The following SOX5 variants were observed in gnomAD, a reference collection of about 807,000 sequenced individuals.
The protein encoded by SOX5 is SRY-box transcription factor 5.
Under a neutral mutation model 92.0 loss-of-function variants are expected in SOX5, and 9 were observed. The ratio of observed to expected loss-of-function variants is 0.10; its 90% confidence interval spans 0.06 to 0.17. The LOEUF is 0.17. Among genes scored for constraint, SOX5 ranks in the 10% least tolerant of loss-of-function variants. The pLI, the probability that SOX5 is intolerant of heterozygous loss-of-function variation, is 1.00. For missense variants in SOX5, 642 were observed against 944.5 expected (o/e 0.68, Z 4.20); for synonymous variants, 344 against 336.3 (o/e 1.02, Z -0.25).
intron 1 of SOX5, among the ~76,000 whole-genome samples, chr12:23,949,334 G>C (rs1432850349): frequency 6.6e-6 from 1 of 152,122 alleles, no homozygotes; most frequent in African/African-American, 2.4e-5. Flanking sequence ...TTAATTTGCT[G>C]TTATAGGACG....
At chr12:24,314,482 T>G (rs1418200646) in intron 2 of SOX5, among the ~76,000 whole-genome samples, 1 of 151,942 alleles carries the variant, frequency 6.6e-6, no homozygotes, top group Non-Finnish European at 1.5e-5. Context: ...AACCTGCACG[T>G]TATGCACATG....
Position 23,604,634 on chromosome 12 carries a change from T to C in SOX5, c.1018-101A>G, listed in dbSNP as rs187199300. The C allele has an allele frequency of 2.1e-4, 245 of 1,183,480 alleles. 1 individual carries two copies. In the East Asian group the frequency reaches 5.4e-3, roughly 26 times the overall value. The allele number at this position is 1,183,480 out of a possible 1,614,324, so 73.3% of individuals were successfully genotyped here. A position where few individuals can be genotyped will look rare whatever the true frequency, so the allele number is the denominator to read the frequency against. On this transcript the variant is annotated intron_variant, in intron 8 of 14. Transcript: ENST00000451604. The stretch of plus-strand genomic sequence containing the variant: ...ATATTCAGATATGGTATTTTTCCTA[T>C]GAGCATTTTGTTTAGTGCACTGGAA...
intron 3 of SOX5, among the ~76,000 whole-genome samples, chr12:23,794,241 C>T (rs4353351): frequency 0.98 from 149,247 of 152,214 alleles, 73,249 homozygotes; most frequent in East Asian, 1. Context: ...AGTATTTATA[C>T]GCATATTTAC....
At chr12:24,004,913 T>C (rs1369737083) in intron 4 of SOX5, among the ~76,000 whole-genome samples, 1 of 152,088 alleles carries the variant, frequency 6.6e-6, no homozygotes, top group Non-Finnish European at 1.5e-5. Flanking sequence ...TATCCATTAA[T>C]AAAATATTAT....
At chr12:23,566,482 T>G (rs1374061626) in intron 10 of SOX5, among the ~76,000 whole-genome samples, 2 of 152,198 alleles carry the variant, frequency 1.3e-5, no homozygotes, top group African/African-American at 2.4e-5. Context: ...GCATTGTTCC[T>G]TTTTCCTCAC....
At position 23,543,368 on chromosome 12, in the gene SOX5, T is replaced by C. The variant is rs756011744; in HGVS notation, c.1614A>G (p.Ser538=). 1 of 1,613,750 alleles carries C rather than the reference T, an allele frequency of 6.2e-7. No homozygotes were observed. Among genetic ancestry groups the C allele is most frequent in the East Asian group, 2.2e-5 (1 of 44,864 alleles). ...GGGATTCCCTATAAATTCTTGACTCTGAGACTCCAGCACTTCCTGAAAACA... is the reference window on the plus strand; with the variant it reads ...GGGATTCCCTATAAATTCTTGACTCCGAGACTCCAGCACTTCCTGAAAACA... ...SGDSDGSAGV[S]ESRIYRESRG... Residue 538 remains serine (S), a synonymous_variant, in exon 13 of 15, where the codon TCA becomes TCG. Coordinates refer to ENST00000451604, the MANE Select transcript of SOX5 (RefSeq NM_006940.6).
intron 10 of SOX5, 36 bp downstream of exon 10, chr12:23,575,625 C>A (rs756199587): frequency 6.2e-7 from 1 of 1,604,920 alleles, no homozygotes; most frequent in South Asian, 1.1e-5. Context: ...TAGCCATAAA[C>A]AGAAAATCAG....
intron 2 of SOX5, among the ~76,000 whole-genome samples, chr12:23,868,996 A>T (rs774984229): frequency 2.0e-5 from 3 of 152,102 alleles, no homozygotes; most frequent in Non-Finnish European, 2.9e-5. Flanking sequence ...TCACATTAAA[A>T]CATAATCTTT....
chr12:23,915,811 C>T (rs1367734757), intron 1 of SOX5, among the ~76,000 whole-genome samples: 2 of 152,162 alleles, frequency 1.3e-5, no homozygotes, highest in Non-Finnish European at 2.9e-5. Context: ...AAGTTTCATT[C>T]GAAACTGCTA....
rs150236061 is a variant in SOX5, at chr12:23,628,398, G to T, written c.1017+12414C>A. On this transcript the variant is annotated intron_variant, in intron 8 of 14. Coordinates refer to ENST00000451604, the MANE Select transcript of SOX5 (RefSeq NM_006940.6). ...AAAGGACAATATTTTCTATAGTTCT[G>T]CTTCACTCCATAAAGGAAGTAATTG... Among the ~76,000 whole-genome samples the T allele has an allele frequency of 3.0e-3, 449 of 152,150 alleles. 4 individuals carry two copies. The highest frequency in any genetic ancestry group is 9.9e-3 in the African/African-American group (413 of 41,522).
At chr12:24,338,060 TTCTC>T (rs1952108373) in intron 2 of SOX5, among the ~76,000 whole-genome samples, 1 of 152,214 alleles carries the variant, frequency 6.6e-6, no homozygotes, top group African/African-American at 2.4e-5. Flanking sequence ...GATCTTCCCT[TTCTC>T]TGGTTTTTGA....
chr12:23,999,836 G>A (rs989177187), intron 4 of SOX5, among the ~76,000 whole-genome samples: 2 of 151,840 alleles, frequency 1.3e-5, no homozygotes, highest in African/African-American at 2.4e-5. Flanking sequence ...AATAATGAGA[G>A]AGTACTGTTA....
Position 23,741,286 on chromosome 12 carries a change from C to T in SOX5, c.569-247G>A, listed in dbSNP as rs1410873377. On this transcript the variant is annotated intron_variant, in intron 4 of 14. Transcript: ENST00000451604. ...GTACATTGGACTTCAAATGAAATTC[C>T]ATAATGACCAAACATTTTGAATGTT... 2.6e-5 allele frequency among the ~76,000 whole-genome samples: 4 copies of T among 152,084 alleles called. No homozygotes were observed. In the South Asian group the frequency reaches 6.2e-4, roughly 24 times the overall value.
At chr12:23,690,219 T>C (rs1163316162) in intron 6 of SOX5, among the ~76,000 whole-genome samples, 4 of 152,184 alleles carry the variant, frequency 2.6e-5, no homozygotes, top group African/African-American at 4.8e-5. Flanking sequence ...TCACATTAAA[T>C]TATAATTAAA....
chr12:24,316,526 ATT>A (rs1656112134), intron 2 of SOX5, among the ~76,000 whole-genome samples: 1 of 152,156 alleles, frequency 6.6e-6, no homozygotes, highest in South Asian at 2.1e-4. Context: ...AGTGATTGGA[ATT>A]CTCTCTCTGG....
chr12:24,047,090 T>C (rs528808738), intron 4 of SOX5, among the ~76,000 whole-genome samples: 8 of 152,196 alleles, frequency 5.3e-5, no homozygotes, highest in Non-Finnish European at 1.2e-4. Flanking sequence ...TAACACTTTC[T>C]TGGTTTTTCA....
intron 8 of SOX5, 72 bp downstream of exon 8, chr12:23,640,740 G>T: frequency 9.5e-7 from 1 of 1,051,150 alleles, no homozygotes; most frequent in Non-Finnish European, 1.5e-6. Context: ...GTTTTATTTT[G>T]CTTTAACACC....
intron 9 of SOX5, among the ~76,000 whole-genome samples, chr12:23,587,028 A>G (rs1015969675): frequency 6.6e-6 from 1 of 151,802 alleles, no homozygotes; most frequent in East Asian, 1.9e-4. Flanking sequence ...TTTTTAAGGA[A>G]GAAATAAATA....
At chr12:23,663,156 G>A (rs759295561) in intron 7 of SOX5, among the ~76,000 whole-genome samples, 5 of 152,112 alleles carry the variant, frequency 3.3e-5, no homozygotes, top group Non-Finnish European at 7.4e-5. Context: ...GGTCAATGAG[G>A]GTGGCAGTTC....
Sources: allele counts gnomAD v4.1 joint callset (sites outside exome capture counted in the v4.1 genomes callset), GRCh38; gene constraint gnomAD v4.1.1; transcripts MANE v1.5; gene names NCBI Gene and HGNC (gene_info 2026-07-23, HGNC 2026-07-21).